The following ZFHX3 variants were observed in gnomAD, a reference collection of about 807,000 sequenced individuals.
The protein encoded by ZFHX3 is zinc finger homeobox protein 3.
In ZFHX3, 42 loss-of-function variants were observed where a neutral mutation model predicts 279.1. That is an observed-to-expected ratio of 0.15 (90% confidence interval 0.12 to 0.19). ZFHX3 has a LOEUF of 0.19. Ranked by LOEUF, ZFHX3 falls within the 10% of genes least tolerant of loss-of-function variation. The pLI is 1.00. For missense variants in ZFHX3, 4,981 were observed against 4,754.0 expected (o/e 1.05, Z -1.40); for synonymous variants, 2,293 against 1,957.8 (o/e 1.17, Z -4.52).
At chr16:73,217,921 C>T (rs996229949) in intron 5 of ZFHX3, among the ~76,000 whole-genome samples, 2 of 151,904 alleles carry the variant, frequency 1.3e-5, no homozygotes, top group African/African-American at 4.8e-5. Context: ...AACCTGCAGA[C>T]ACCAGGATTG....
chr16:73,862,346 C>A (rs753098609), intron 1 of ZFHX3, among the ~76,000 whole-genome samples: 2 of 152,190 alleles, frequency 1.3e-5, no homozygotes, highest in Non-Finnish European at 2.9e-5. Flanking sequence ...TAACTAAGAA[C>A]CCCATCAACT....
intron 1 of ZFHX3, among the ~76,000 whole-genome samples, chr16:73,714,859 A>G (rs1332120606): frequency 1.3e-5 from 2 of 152,112 alleles, no homozygotes; most frequent in African/African-American, 2.4e-5. Flanking sequence ...AGCTCCTCTC[A>G]CATGGTAATC....
intron 3 of ZFHX3, among the ~76,000 whole-genome samples, chr16:73,334,810 C>CTTTT (rs368597124): frequency 0.032 from 1,876 of 57,904 alleles, 438 homozygotes; most frequent in Non-Finnish European, 0.049. Context: ...CTTTCTCATT[C>CTTTT]TTTTTTTTTT....
intron 3 of ZFHX3, among the ~76,000 whole-genome samples, chr16:73,327,101 G>A (rs1481719669): frequency 6.6e-6 from 1 of 152,202 alleles, no homozygotes; most frequent in African/African-American, 2.4e-5. Context: ...CCAGACAAAT[G>A]GTCATGGGTC....
At chr16:72,832,607 C>T (rs555787303) in intron 4 of ZFHX3, among the ~76,000 whole-genome samples, 54 of 152,298 alleles carry the variant, frequency 3.5e-4, no homozygotes, top group Middle Eastern at 6.8e-3. Flanking sequence ...GAAATGATTA[C>T]GAAAATCCTG....
At chr16:72,909,132 T>C (rs2039257388) in intron 3 of ZFHX3, among the ~76,000 whole-genome samples, 1 of 152,216 alleles carries the variant, frequency 6.6e-6, no homozygotes, top group Admixed American at 6.5e-5. Flanking sequence ...AACAATTGCA[T>C]GAAAAGCGGT....
At chr16:73,718,394 G>C (rs2053437168) in intron 1 of ZFHX3, among the ~76,000 whole-genome samples, 1 of 152,010 alleles carries the variant, frequency 6.6e-6, no homozygotes, top group African/African-American at 2.4e-5. Flanking sequence ...CTGGGTGAAA[G>C]AGCGAGACTC....
chr16:72,972,411 T>C (rs1215010740), intron 1 of ZFHX3, among the ~76,000 whole-genome samples: 1 of 152,176 alleles, frequency 6.6e-6, no homozygotes, highest in Non-Finnish European at 1.5e-5. Context: ...GTGGACTCTG[T>C]CCACTGCTTC....
intron 4 of ZFHX3, among the ~76,000 whole-genome samples, chr16:72,866,442 G>A (rs1207124220): frequency 6.6e-6 from 1 of 152,100 alleles, no homozygotes; most frequent in Non-Finnish European, 1.5e-5. Flanking sequence ...ATTTTTTTGT[G>A]CATGTGCATT....
intron 3 of ZFHX3, among the ~76,000 whole-genome samples, chr16:72,900,305 G>A (rs1390498184): frequency 1.3e-5 from 2 of 152,092 alleles, no homozygotes; most frequent in Admixed American, 6.6e-5. Flanking sequence ...ACACTTCCCC[G>A]ATTCTCCAAA....
intron 4 of ZFHX3, among the ~76,000 whole-genome samples, chr16:72,872,103 A>AC (rs1056802439): frequency 1.2e-5 from 1 of 83,534 alleles, no homozygotes; most frequent in African/African-American, 6.5e-5. Context: ...AAAACAAAAA[A>AC]CAAAAAAAAA....
In ZFHX3 at chr16:73,197,332, AG is replaced by A. The variant is rs148200195; in HGVS notation, c.-1103-53502del. 7.2e-3 allele frequency among the ~76,000 whole-genome samples: 1,095 copies of A among 152,330 alleles called. 16 individuals carry two copies. The highest frequency in any genetic ancestry group is 0.024 in the African/African-American group (991 of 41,578). ...GGTATTGCTATATCCACGGCATGAG[AG>A]CGTGACTAGGAAGGATTTACTATGA... On this transcript the variant is annotated intron_variant, in intron 5 of 17. Coordinates refer to the ZFHX3 transcript ENST00000641206.
intron 4 of ZFHX3, among the ~76,000 whole-genome samples, chr16:73,295,048 C>G (rs756140073): frequency 6.6e-6 from 1 of 151,894 alleles, no homozygotes; most frequent in African/African-American, 2.4e-5. Context: ...CAAGTCTTTA[C>G]TAAAAATACA....
intron 2 of ZFHX3, among the ~76,000 whole-genome samples, chr16:73,566,829 G>C (rs1224297770): frequency 6.6e-6 from 1 of 151,958 alleles, no homozygotes; most frequent in African/African-American, 2.4e-5. Flanking sequence ...CTCCAGAGTA[G>C]CTGGGATTAC....
intron 3 of ZFHX3, among the ~76,000 whole-genome samples, chr16:72,935,770 C>T (rs1341857239): frequency 6.6e-6 from 1 of 151,452 alleles, no homozygotes; most frequent in Non-Finnish European, 1.5e-5. Context: ...GCCATCAAAT[C>T]ATCAGGCGAC....
chr16:73,470,344 C>T (rs1037875507), intron 2 of ZFHX3, among the ~76,000 whole-genome samples: 1 of 152,170 alleles, frequency 6.6e-6, no homozygotes, highest in Non-Finnish European at 1.5e-5. Flanking sequence ...TAAGACCATC[C>T]CAGACAGAAA....
intron 7 of ZFHX3, among the ~76,000 whole-genome samples, chr16:72,805,601 C>T (rs1333568367): frequency 6.6e-6 from 1 of 152,184 alleles, no homozygotes; most frequent in African/African-American, 2.4e-5. Flanking sequence ...AGTTAAAAGC[C>T]AGCTGCTTTT....
intron 1 of ZFHX3, among the ~76,000 whole-genome samples, chr16:73,734,335 C>G (rs2053592360): frequency 6.6e-6 from 1 of 152,064 alleles, no homozygotes; most frequent in Non-Finnish European, 1.5e-5. Flanking sequence ...TATATAAATC[C>G]ATATTTTTAC....
chr16:73,238,941 G>T (rs562066355), intron 5 of ZFHX3, among the ~76,000 whole-genome samples: 4 of 152,170 alleles, frequency 2.6e-5, no homozygotes, highest in South Asian at 2.1e-4. Context: ...AACCTCCCAT[G>T]CTGGGTTACG....
Sources: allele counts gnomAD v4.1 joint callset (sites outside exome capture counted in the v4.1 genomes callset), GRCh38; gene constraint gnomAD v4.1.1; transcripts MANE v1.5; gene names NCBI Gene and HGNC (gene_info 2026-07-23, HGNC 2026-07-21).